The following SCLT1 variants were observed in gnomAD, a reference collection of about 807,000 sequenced individuals.
The protein encoded by SCLT1 is sodium channel-associated protein 1.
In SCLT1, 78 loss-of-function variants were observed where a neutral mutation model predicts 112.8. The observed-to-expected ratio is 0.69, with a 90% CI of 0.58 to 0.83. SCLT1 has a LOEUF of 0.83. Ranked by LOEUF, SCLT1 falls within the 40% of genes least tolerant of loss-of-function variation. SCLT1 has a pLI of 0.00. For missense variants in SCLT1, 747 were observed against 770.4 expected (o/e 0.97, Z 0.36); for synonymous variants, 257 against 254.7 (o/e 1.01, Z -0.09).
chr4:129,057,794 C>T (rs1353161036), intron 2 of SCLT1, among the ~76,000 whole-genome samples: 2 of 151,608 alleles, frequency 1.3e-5, no homozygotes, highest in East Asian at 3.9e-4. Context: ...CTCTGTCGCC[C>T]AGGCTGGAGT....
chr4:129,028,606 C>T (rs1746370989), intron 5 of SCLT1, among the ~76,000 whole-genome samples: 3 of 152,158 alleles, frequency 2.0e-5, no homozygotes, highest in Non-Finnish European at 4.4e-5. Context: ...CCATTCAAGA[C>T]ATAGGTATGG....
intron 18 of SCLT1, among the ~76,000 whole-genome samples, chr4:128,915,118 A>T (rs1735378571): frequency 6.6e-6 from 1 of 152,246 alleles, no homozygotes; most frequent in South Asian, 2.1e-4. Context: ...ATCATTATCA[A>T]GTGCCCAACA....
intron 8 of SCLT1, 100 bp downstream of exon 8, chr4:128,997,774 C>T (rs901392288): frequency 3.6e-6 from 2 of 559,056 alleles, no homozygotes; most frequent in African/African-American, 2.0e-5. Context: ...ACAGTATTAT[C>T]TAATTTCGTG....
chr4:128,939,838 A>G (rs1737529540), intron 17 of SCLT1, among the ~76,000 whole-genome samples: 1 of 152,192 alleles, frequency 6.6e-6, no homozygotes, highest in Non-Finnish European at 1.5e-5. Context: ...TATCTACTGA[A>G]GATCATACTC....
chr4:129,032,863 G>A (rs1415815766), intron 5 of SCLT1, among the ~76,000 whole-genome samples: 1 of 152,182 alleles, frequency 6.6e-6, no homozygotes, highest in Non-Finnish European at 1.5e-5. Flanking sequence ...GGAGAAATAG[G>A]AATGCTTTTA....
In SCLT1 at chr4:129,039,097, CT is replaced by C. The variant is rs1183536105; in HGVS notation, c.235-2del. Reference sequence around the variant, plus strand: ...GTAATTTCATCTCACCCACCTGTTTCTGAAAGAATAAAATATGGTGTGGCAA... The same window carrying C: ...GTAATTTCATCTCACCCACCTGTTTCGAAAGAATAAAATATGGTGTGGCAA... On this transcript the variant is annotated splice_acceptor_variant, in intron 4 of 20. Transcript: ENST00000281142. LOFTEE classifies it high-confidence loss of function. 2.5e-6 allele frequency: 4 copies of C among 1,595,902 alleles called. No homozygotes were observed. Among genetic ancestry groups the C allele is most frequent in the Non-Finnish European group, 2.6e-6 (3 of 1,164,192 alleles).
intron 15 of SCLT1, among the ~76,000 whole-genome samples, chr4:128,948,118 G>A (rs779621665): frequency 4.0e-5 from 6 of 151,758 alleles, no homozygotes; most frequent in Non-Finnish European, 8.8e-5. Context: ...GGCGGATCAC[G>A]AGGTCAGGAG....
chr4:128,948,667 T>C, intron 14 of SCLT1, 97 bp from the exon 15 acceptor site: 1 of 865,046 alleles, frequency 1.2e-6, no homozygotes, highest in South Asian at 1.5e-5. Flanking sequence ...AATATCATAG[T>C]TATCAACACA....
intron 17 of SCLT1, among the ~76,000 whole-genome samples, chr4:128,939,034 C>T (rs917447904): frequency 7.9e-5 from 12 of 152,142 alleles, no homozygotes; most frequent in South Asian, 2.1e-4. Flanking sequence ...CTGATCTATG[C>T]ATCTGTACAG....
At chr4:129,056,935 T>C (rs1749451634) in intron 2 of SCLT1, among the ~76,000 whole-genome samples, 1 of 152,254 alleles carries the variant, frequency 6.6e-6, no homozygotes, top group Non-Finnish European at 1.5e-5. Context: ...AACTTTCAAC[T>C]TTTACGCTGT....
rs78149618 is a variant in SCLT1 at position 128,913,621 on chromosome 4, C to T, written c.1830-22484G>A. Among the ~76,000 whole-genome samples, 244 of 152,076 alleles carry T rather than the reference C, an allele frequency of 1.6e-3. 1 individual carries two copies. Among genetic ancestry groups the T allele is most frequent in the African/African-American group, 3.4e-3 (141 of 41,482 alleles). ...TGAATGAGTAAAGCTACAGAGAAGACGAGTTATATTTAAACAGGGCTGTGG... is the reference window on the plus strand; with the variant it reads ...TGAATGAGTAAAGCTACAGAGAAGATGAGTTATATTTAAACAGGGCTGTGG... On this transcript the variant is annotated intron_variant, in intron 18 of 20. Coordinates refer to ENST00000281142, the MANE Select transcript of SCLT1 (RefSeq NM_144643.4).
At chr4:128,950,643 T>C (rs1350014425) in intron 14 of SCLT1, among the ~76,000 whole-genome samples, 1 of 151,974 alleles carries the variant, frequency 6.6e-6, no homozygotes, top group Non-Finnish European at 1.5e-5. Flanking sequence ...GAACCAACCA[T>C]ATAGACCATG....
At position 128,959,648 on chromosome 4, in the gene SCLT1, G is replaced by A. The variant is rs1177838343; in HGVS notation, c.999C>T (p.Ala333=). 6.2e-7 allele frequency: 1 copy of A among 1,613,190 alleles called. No individual in the cohort carries two copies. The highest frequency in any genetic ancestry group is 2.2e-5 in the East Asian group (1 of 44,794). Residue 333 remains alanine, a synonymous_variant, in exon 12 of 21, where the codon GCC becomes GCT. Transcript: ENST00000281142. ...CTTCTAAGAGTTGCATGCTATTTCT[G>A]GCTCTTACAATAGCCTCATATCTCT... ...ENERYEAIVR[A]RNSMQLLEEA...
At position 128,959,778 on chromosome 4, in the gene SCLT1, C is replaced by G. The variant is rs781647553; in HGVS notation, c.870-1G>C. Reference sequence around the variant, plus strand: ...GGCTTCTTGGATTGTCACACATAATCTAGAAATCAATAATTACACTGGGAA... The same window carrying G: ...GGCTTCTTGGATTGTCACACATAATGTAGAAATCAATAATTACACTGGGAA... On this transcript the variant is annotated splice_acceptor_variant, in intron 11 of 20. Coordinates refer to ENST00000281142, the MANE Select transcript of SCLT1 (RefSeq NM_144643.4). LOFTEE classifies it high-confidence loss of function. The G allele has an allele frequency of 1.2e-6, 2 of 1,609,734 alleles. No homozygotes were observed. The highest frequency in any genetic ancestry group is 1.7e-6 in the Non-Finnish European group (2 of 1,177,986).
At chr4:128,980,277 C>T (rs1003003119) in intron 9 of SCLT1, among the ~76,000 whole-genome samples, 5 of 151,962 alleles carry the variant, frequency 3.3e-5, no homozygotes, top group Admixed American at 3.3e-4. Flanking sequence ...CATGAAACAT[C>T]TGAGAAAAAT....
chr4:129,055,827 A>C (rs1307714715), intron 2 of SCLT1, among the ~76,000 whole-genome samples: 2 of 147,060 alleles, frequency 1.4e-5, no homozygotes, highest in African/African-American at 4.9e-5. Context: ...ATAAAAAAAA[A>C]AAAACAAAAA....
chr4:128,932,499 G>A (rs1174198307), intron 18 of SCLT1, among the ~76,000 whole-genome samples: 2 of 151,986 alleles, frequency 1.3e-5, no homozygotes, highest in Non-Finnish European at 2.9e-5. Context: ...CAAATCCACA[G>A]CTAACATCAT....
chr4:128,926,661 A>G (rs766329669), intron 18 of SCLT1, among the ~76,000 whole-genome samples: 2 of 152,128 alleles, frequency 1.3e-5, no homozygotes, highest in African/African-American at 2.4e-5. Flanking sequence ...TGCTTCTAGT[A>G]TCTCATTCAG....
At chr4:128,905,410 T>C (rs1358499103) in intron 18 of SCLT1, among the ~76,000 whole-genome samples, 1 of 152,224 alleles carries the variant, frequency 6.6e-6, no homozygotes, top group African/African-American at 2.4e-5. Context: ...CTGGTTTCTC[T>C]GATTCCATTT....
Sources: gnomAD v4.1 joint callset for allele counts (sites outside exome capture counted in the v4.1 genomes callset) on GRCh38, gnomAD v4.1.1 for gene constraint, MANE v1.5 for transcripts, NCBI Gene and HGNC (gene_info 2026-07-23, HGNC 2026-07-21) for gene names.